ZBTB20: variants seen among roughly 807,000 people sequenced by gnomAD.
ZBTB20 encodes zinc finger and BTB domain containing 20, also known as zinc finger and BTB domain-containing protein 20.
Under a neutral mutation model 56.9 loss-of-function variants are expected in ZBTB20, and 9 were observed. That is an observed-to-expected ratio of 0.16 (90% CI 0.10 to 0.28). ZBTB20 has a LOEUF of 0.28. Among genes scored for constraint, ZBTB20 ranks in the 10% least tolerant of loss-of-function variants. The probability of loss-of-function intolerance (pLI) is 1.00; values close to 1 mark genes in which losing one functional copy is unlikely to be tolerated. For missense variants in ZBTB20, 655 were observed against 1,003.0 expected, an observed-to-expected ratio of 0.65 and a Z score of 4.69; for synonymous variants, 417 against 420.7, an observed-to-expected ratio of 0.99 and a Z score of 0.11.
chr3:114,817,814 T>C (rs529820478), intron 4 of ZBTB20, among the ~76,000 whole-genome samples: 2 of 152,024 alleles, frequency 1.3e-5, no homozygotes, highest in Non-Finnish European at 2.9e-5. Flanking sequence ...GCACACTATG[T>C]AAAAGAACAA....
At chr3:115,066,981 C>G (rs944773551) in intron 2 of ZBTB20, among the ~76,000 whole-genome samples, 3 of 151,828 alleles carry the variant, frequency 2.0e-5, no homozygotes, top group Non-Finnish European at 2.9e-5. Flanking sequence ...GGATTATAGT[C>G]TGTTTAAATA....
chr3:115,052,514 G>A (rs2081592536), intron 2 of ZBTB20, among the ~76,000 whole-genome samples: 1 of 151,596 alleles, frequency 6.6e-6, no homozygotes, highest in Admixed American at 6.6e-5. Flanking sequence ...AAGAAATACA[G>A]AGTTAAAGAG....
chr3:114,522,959 C>T (rs891719103), intron 6 of ZBTB20, among the ~76,000 whole-genome samples: 2 of 152,104 alleles, frequency 1.3e-5, no homozygotes, highest in African/African-American at 4.8e-5. Flanking sequence ...ACTAGAGATA[C>T]AAGCTTGCAC....
intron 7 of ZBTB20, among the ~76,000 whole-genome samples, chr3:114,499,629 C>T (rs949756234): frequency 6.6e-6 from 1 of 152,108 alleles, no homozygotes; most frequent in African/African-American, 2.4e-5. Flanking sequence ...GGCCTAGAAT[C>T]TTTTTCAAGC....
chr3:114,655,419 A>G (rs1245129440), intron 6 of ZBTB20, among the ~76,000 whole-genome samples: 1 of 147,602 alleles, frequency 6.8e-6, no homozygotes, highest in African/African-American at 2.5e-5. Context: ...CGCCCGGCTA[A>G]TTTTTTGTAT....
chr3:114,866,794 G>T lies in ZBTB20; in HGVS notation c.-417+33510C>A, dbSNP rs79828697. ...TCTGGCCTAAGGAAGTTCAGACTAG[G>T]ACTATACCATTAGCTTTCCCAGGTC... On this transcript the variant is annotated intron_variant, in intron 4 of 11. Coordinates refer to ENST00000675478, the MANE Select transcript of ZBTB20 (RefSeq NM_001348800.3). 1.2e-4 allele frequency among the ~76,000 whole-genome samples: 19 copies of T among 152,220 alleles called. No individual in the cohort carries two copies. The East Asian group carries it at 3.7e-3, about 29-fold the overall frequency.
chr3:115,116,902 AAT>A (rs1391106359), intron 1 of ZBTB20, among the ~76,000 whole-genome samples: 4 of 152,102 alleles, frequency 2.6e-5, no homozygotes, highest in Admixed American at 2.6e-4. Context: ...CAAAGATCTG[AAT>A]ATGTTATGTG....
At chr3:115,142,905 C>T (rs1394806205) in intron 1 of ZBTB20, among the ~76,000 whole-genome samples, 1 of 151,884 alleles carries the variant, frequency 6.6e-6, no homozygotes, top group Non-Finnish European at 1.5e-5. Context: ...CTCCACGGCA[C>T]AGGATGGGAG....
intron 3 of ZBTB20, among the ~76,000 whole-genome samples, chr3:114,913,868 C>T (rs1421578484): frequency 2.0e-5 from 3 of 151,722 alleles, no homozygotes; most frequent in African/African-American, 7.3e-5. Context: ...TTCTTGCCAC[C>T]TGTGTTGAAA....
intron 7 of ZBTB20, among the ~76,000 whole-genome samples, chr3:114,441,418 G>A (rs1241388075): frequency 1.3e-5 from 2 of 152,256 alleles, no homozygotes; most frequent in East Asian, 3.9e-4. Context: ...AGTAATGTTT[G>A]CTATGTGAAA....
intron 6 of ZBTB20, among the ~76,000 whole-genome samples, chr3:114,681,440 C>T (rs1169905400): frequency 3.3e-5 from 5 of 152,178 alleles, no homozygotes; most frequent in African/African-American, 4.8e-5. Flanking sequence ...GGATTACAGG[C>T]GTGAGCCACC....
chr3:114,329,696 T>TTTAG lies in ZBTB20; in HGVS notation c.*9308_*9309insCTAA, dbSNP rs992195072. 3 of 138,806 alleles carry TTTAG rather than the reference T, an allele frequency of 2.2e-5. No individual in the cohort carries two copies. The highest frequency in any genetic ancestry group is 8.2e-5 in the African/African-American group (3 of 36,502). The allele number at this position is 138,806 out of a possible 1,614,324, so 8.6% of individuals were successfully genotyped here. On this transcript the variant is annotated 3_prime_UTR_variant, in exon 12 of 12. Transcript: ENST00000675478. ...GATAAAGAGTTCCTGAAACTCTGGT[T>TTTAG]TTACTTTTTTTGGAAAAAAAAAAAA...
At position 114,511,948 on chromosome 3, in the gene ZBTB20, C is replaced by T. The variant is rs192983384; in HGVS notation, c.-294-11557G>A. Among the ~76,000 whole-genome samples, 695 of 152,210 alleles carry T rather than the reference C, an allele frequency of 4.6e-3. 7 individuals carry two copies. The highest frequency in any genetic ancestry group is 0.016 in the African/African-American group (661 of 41,552). ...TTATATCTAGGGCTCCAGCCTTTGG[C>T]TGAAGTGTCTCATCTGGTAATTCTG... On this transcript the variant is annotated intron_variant, in intron 6 of 11. Coordinates refer to ENST00000675478, the MANE Select transcript of ZBTB20 (RefSeq NM_001348800.3).
At chr3:114,847,962 A>G (rs539845034) in intron 4 of ZBTB20, among the ~76,000 whole-genome samples, 3 of 152,332 alleles carry the variant, frequency 2.0e-5, no homozygotes, top group Admixed American at 2.0e-4. Flanking sequence ...TCTAATTGAC[A>G]GAACCACTCT....
chr3:114,832,808 C>T (rs974621069), intron 4 of ZBTB20, among the ~76,000 whole-genome samples: 3 of 152,022 alleles, frequency 2.0e-5, no homozygotes, highest in South Asian at 4.1e-4. Context: ...TAAATATTAA[C>T]GAATATTTTA....
chr3:114,944,455 A>G (rs1334803076), intron 3 of ZBTB20, among the ~76,000 whole-genome samples: 1 of 145,584 alleles, frequency 6.9e-6, no homozygotes, highest in Non-Finnish European at 1.5e-5. Flanking sequence ...TAACTACCAT[A>G]TGATCCAGTA....
Position 114,919,630 on chromosome 3 carries a change from G to A in ZBTB20, c.-455-19288C>T, listed in dbSNP as rs112890083. ...TGAGGCAGGAGAATCACTTGAACCC[G>A]GGAGGCAGAGTTTGCAGTGAGCCAA... On this transcript the variant is annotated intron_variant, in intron 3 of 11. Transcript: ENST00000675478. Among the ~76,000 whole-genome samples the A allele has an allele frequency of 4.3e-3, 646 of 151,962 alleles. 7 individuals are homozygous for A. The highest frequency in any genetic ancestry group is 0.015 in the African/African-American group (622 of 41,444).
chr3:114,494,310 C>A (rs531166405), intron 7 of ZBTB20, among the ~76,000 whole-genome samples: 35 of 152,228 alleles, frequency 2.3e-4, no homozygotes, highest in Admixed American at 2.2e-3. Flanking sequence ...AAAAGGGGCC[C>A]TTAGTTTAGA....
chr3:115,002,576 C>T (rs1446961937), intron 2 of ZBTB20, among the ~76,000 whole-genome samples: 1 of 151,366 alleles, frequency 6.6e-6, no homozygotes, highest in East Asian at 2.0e-4. Context: ...AGATGAAAAA[C>T]CTGCATAGAA....
Sources: gnomAD v4.1 joint callset for allele counts (sites outside exome capture counted in the v4.1 genomes callset) on GRCh38, gnomAD v4.1.1 for gene constraint, MANE v1.5 for transcripts, NCBI Gene and HGNC (gene_info 2026-07-23, HGNC 2026-07-21) for gene names.